The following ENPP6 variants were observed in gnomAD, a reference collection of about 807,000 sequenced individuals.
ENPP6 encodes the protein glycerophosphocholine cholinephosphodiesterase ENPP6.
ENPP6 carries 32 observed loss-of-function variants against 42.0 expected under a neutral mutation model. The observed-to-expected ratio is 0.76, with a 90% CI of 0.58 to 1.02. The LOEUF is 1.02. Ranked by LOEUF, ENPP6 falls within the 50% of genes least tolerant of loss-of-function variation. The probability of loss-of-function intolerance (pLI) is 0.00; values close to 1 mark genes in which losing one functional copy is unlikely to be tolerated. For missense variants in ENPP6, 552 were observed against 566.8 expected (o/e 0.97, Z 0.27); for synonymous variants, 213 against 216.0 (o/e 0.99, Z 0.12).
chr4:184,131,969 G>A (rs1306049460), intron 2 of ENPP6, among the ~76,000 whole-genome samples: 2 of 151,786 alleles, frequency 1.3e-5, no homozygotes, highest in East Asian at 1.9e-4. Flanking sequence ...TCCTAATTCA[G>A]TCTGAAGGCC....
intron 1 of ENPP6, among the ~76,000 whole-genome samples, chr4:184,172,231 ATGG>A (rs1452477964): frequency 6.6e-6 from 1 of 152,172 alleles, no homozygotes; most frequent in Non-Finnish European, 1.5e-5. Flanking sequence ...TCGAGGCATA[ATGG>A]AAAATGCAGG....
intron 6 of ENPP6, among the ~76,000 whole-genome samples, chr4:184,105,684 T>A (rs972138279): frequency 3.3e-5 from 5 of 152,174 alleles, no homozygotes; most frequent in Non-Finnish European, 5.9e-5. Context: ...TTTTTTAAAA[T>A]CCCCATATTT....
rs558860176 is a variant in ENPP6, at chr4:184,091,271, A to T, written c.1229T>A (p.Val410Glu). ...PLPNNGSWSR[V>E]MCMLKGRAST... is the part of the protein sequence containing the mutation. Reference sequence around the variant, plus strand: ...GGCGCGGCCCTTCAGCATGCACATCACCCTGGACCAGGATCCGTTGTTGGG... The same window carrying T: ...GGCGCGGCCCTTCAGCATGCACATCTCCCTGGACCAGGATCCGTTGTTGGG... Residue 410 changes from valine (V) to glutamate (E), a missense_variant, in exon 8 of 8, where the codon GTG (valine) becomes GAG (glutamate). Val to Glu is a moderately radical substitution (Grantham distance 121). This residue lies in a region of ENPP6 where 545 missense variants were observed against 546.3 expected (regional missense o/e 1.00). Coordinates refer to ENST00000296741, the MANE Select transcript of ENPP6 (RefSeq NM_153343.4). The T allele has an allele frequency of 1.9e-6, 3 of 1,612,518 alleles. No homozygotes were observed. The South Asian group carries it at 3.3e-5, about 18-fold the overall frequency.
At chr4:184,191,408 C>T (rs147909475) in intron 1 of ENPP6, among the ~76,000 whole-genome samples, 154 of 152,248 alleles carry the variant, frequency 1.0e-3, no homozygotes, top group Middle Eastern at 6.8e-3. Flanking sequence ...ACGTTCTGCT[C>T]CCTGCTTGAC....
At chr4:184,131,195 TTCTTTC>T (rs1254896561) in intron 2 of ENPP6, among the ~76,000 whole-genome samples, 1 of 65,530 alleles carries the variant, frequency 1.5e-5, no homozygotes, top group Non-Finnish European at 3.1e-5. Context: ...CTTTCTTTCT[TTCTTTC>T]TTCTTTCTTT....
intron 1 of ENPP6, among the ~76,000 whole-genome samples, chr4:184,194,346 G>T (rs778306767): frequency 6.6e-6 from 1 of 152,194 alleles, no homozygotes; most frequent in Non-Finnish European, 1.5e-5. Flanking sequence ...GAACAGTCAC[G>T]ATGACTGCTG....
chr4:184,126,050 C>T (rs1736497714), intron 2 of ENPP6, among the ~76,000 whole-genome samples: 1 of 152,212 alleles, frequency 6.6e-6, no homozygotes, highest in Non-Finnish European at 1.5e-5. Context: ...CAGGTGTCTG[C>T]TTCTAGCATC....
At chr4:184,097,031 G>A (rs535609793) in intron 7 of ENPP6, among the ~76,000 whole-genome samples, 2 of 152,194 alleles carry the variant, frequency 1.3e-5, no homozygotes, top group Non-Finnish European at 2.9e-5. Context: ...AAATTTACAA[G>A]GCAAAGTATT....
At chr4:184,111,544 G>T (rs1173713311) in intron 6 of ENPP6, among the ~76,000 whole-genome samples, 4 of 152,208 alleles carry the variant, frequency 2.6e-5, no homozygotes, top group Admixed American at 6.5e-5. Context: ...GTAGAGGAGA[G>T]GGCATTAGGG....
At chr4:184,148,669 A>G (rs556231552) in intron 2 of ENPP6, among the ~76,000 whole-genome samples, 36 of 152,248 alleles carry the variant, frequency 2.4e-4, no homozygotes, top group Non-Finnish European at 4.8e-4. Context: ...GAAATGATGC[A>G]ATGTGAATTC....
At chr4:184,149,122 T>TTCAGGCAG (rs1294909897) in intron 2 of ENPP6, among the ~76,000 whole-genome samples, 8 of 152,178 alleles carry the variant, frequency 5.3e-5, no homozygotes, top group African/African-American at 1.7e-4. Context: ...TTTGCAGTGT[T>TTCAGGCAG]TTGACATCTG....
intron 1 of ENPP6, among the ~76,000 whole-genome samples, chr4:184,194,727 CCA>C (rs1220139996): frequency 2.6e-5 from 4 of 152,144 alleles, no homozygotes; most frequent in Non-Finnish European, 5.9e-5. Flanking sequence ...GTGGCAGAAC[CCA>C]CACGGGAGGA....
intron 6 of ENPP6, among the ~76,000 whole-genome samples, chr4:184,106,195 C>T (rs780639326): frequency 4.6e-5 from 7 of 152,058 alleles, no homozygotes; most frequent in African/African-American, 1.2e-4. Flanking sequence ...CCACCATGCC[C>T]GGTTAATTTT....
intron 1 of ENPP6, among the ~76,000 whole-genome samples, chr4:184,211,315 G>C (rs1484440309): frequency 6.6e-6 from 1 of 151,880 alleles, no homozygotes; most frequent in Non-Finnish European, 1.5e-5. Flanking sequence ...TTTTTGAAAG[G>C]ATCAACAAAA....
chr4:184,194,706 C>T (rs574186644), intron 1 of ENPP6, among the ~76,000 whole-genome samples: 6 of 152,320 alleles, frequency 3.9e-5, no homozygotes, highest in East Asian at 1.9e-4. Flanking sequence ...GTAGGAGACA[C>T]GCCCTGCTTG....
At chr4:184,096,542 G>A (rs1197366378) in intron 7 of ENPP6, among the ~76,000 whole-genome samples, 1 of 152,150 alleles carries the variant, frequency 6.6e-6, no homozygotes. Flanking sequence ...GTAGCAGTAA[G>A]ATCTTCAGAG....
At chr4:184,103,767 A>G (rs939685590) in intron 6 of ENPP6, among the ~76,000 whole-genome samples, 1 of 152,230 alleles carries the variant, frequency 6.6e-6, no homozygotes, top group Non-Finnish European at 1.5e-5. Flanking sequence ...TGTTTGCCAC[A>G]TGCCGCTCCA....
chr4:184,132,396 A>G (rs1170470815), intron 2 of ENPP6, among the ~76,000 whole-genome samples: 1 of 89,092 alleles, frequency 1.1e-5, no homozygotes, highest in African/African-American at 3.6e-5. Context: ...TATTGAGTTG[A>G]CTTTTTCCTT....
chr4:184,146,772 C>T (rs1264658079), intron 2 of ENPP6, among the ~76,000 whole-genome samples: 2 of 152,198 alleles, frequency 1.3e-5, no homozygotes, highest in African/African-American at 4.8e-5. Flanking sequence ...GATGGCTACG[C>T]AGAGAGTGAT....
Sources: gnomAD v4.1 joint callset for allele counts (sites outside exome capture counted in the v4.1 genomes callset) on GRCh38, gnomAD v4.1.1 for gene constraint, gnomAD v4.1.1 regional missense constraint, MANE v1.5 for transcripts, NCBI Gene and HGNC (gene_info 2026-07-23, HGNC 2026-07-21) for gene names.